The following TCOF1 variants were observed in gnomAD, a reference collection of about 807,000 sequenced individuals.
TCOF1 encodes the protein treacle ribosome biogenesis factor 1.
A neutral mutation model predicts 149.0 loss-of-function variants in TCOF1; 33 were observed. That is an observed-to-expected ratio of 0.22 (90% CI 0.17 to 0.30). TCOF1 has a LOEUF of 0.30. TCOF1 is among the 10% of genes least tolerant of loss of function. The pLI is 1.00. For missense variants in TCOF1, 1,728 were observed against 1,840.7 expected (o/e 0.94, Z 1.12); for synonymous variants, 789 against 738.8 (o/e 1.07, Z -1.10).
At chr5:150,382,465 A>G (rs1343675136) in intron 17 of TCOF1, among the ~76,000 whole-genome samples, 1 of 152,246 alleles carries the variant, frequency 6.6e-6, no homozygotes, top group Non-Finnish European at 1.5e-5. Flanking sequence ...AAGCTCAGGC[A>G]GCCTGGGTCC....
chr5:150,391,088 A>T (rs932439409), intron 19 of TCOF1, among the ~76,000 whole-genome samples: 1 of 151,918 alleles, frequency 6.6e-6, no homozygotes, highest in Admixed American at 6.6e-5. Context: ...CTTCGGGGGA[A>T]GCGCTTGGGA....
chr5:150,375,857 C>T lies in TCOF1; in HGVS notation c.1841C>T (p.Ser614Leu), dbSNP rs1055033278. 8 of 1,614,060 alleles carry T rather than the reference C, an allele frequency of 5.0e-6. No homozygotes were observed. Among genetic ancestry groups the T allele is most frequent in the Non-Finnish European group, 5.1e-6 (6 of 1,180,038 alleles). ...GACAACTCGGAGAGCAGCGAGGAGT[C>T]ATCGGACAGTGCGGACAGTGAGGAG... ...PMDNSESSEE[S>L]SDSADSEEAP... The change falls in exon 12 of 27, where the codon TCA (serine) becomes TTA (leucine). Residue 614 changes from serine to leucine, a missense_variant. Transcript: ENST00000643257.
rs1198614053 is a variant in TCOF1 at position 150,379,812 on chromosome 5, C to T, written c.2859+80C>T. ...TAGGGCTGGGCGTGGTGGCTCACAC[C>T]TGTAATCCTAGCACTTTGGGAGGCC... On this transcript the variant is annotated intron_variant, in intron 17 of 26. Coordinates refer to ENST00000643257, the MANE Select transcript of TCOF1 (RefSeq NM_001371623.1). 6 of 1,533,680 alleles carry T rather than the reference C, an allele frequency of 3.9e-6. No homozygotes were observed. In the South Asian group the frequency reaches 5.9e-5, roughly 15 times the overall value.
intron 3 of TCOF1, among the ~76,000 whole-genome samples, chr5:150,366,544 C>T (rs1761388892): frequency 1.3e-5 from 2 of 151,826 alleles, no homozygotes; most frequent in African/African-American, 4.8e-5. Flanking sequence ...TTTCTATTTA[C>T]TACTTAAAAA....
chr5:150,383,924 GTGTGGTCCAAGCTTC>G, intron 17 of TCOF1: 1 of 1,502,350 alleles, frequency 6.7e-7, no homozygotes, highest in Non-Finnish European at 8.9e-7. Flanking sequence ...AGCCATGCTG[GTGTGGTCCAAGCTTC>G]TGTGTGAACC....
chr5:150,385,034 G>C (rs1224223986), intron 17 of TCOF1: 2 of 985,258 alleles, frequency 2.0e-6, no homozygotes, highest in East Asian at 2.3e-4. Context: ...GTCTGTGCTG[G>C]GGTCAGGACA....
chr5:150,389,091 C>T (rs1373612675), intron 18 of TCOF1, among the ~76,000 whole-genome samples: 2 of 152,110 alleles, frequency 1.3e-5, no homozygotes, highest in African/African-American at 4.8e-5. Context: ...ATCTACCTAC[C>T]TACATACATA....
chr5:150,396,278 A>G lies in TCOF1; in HGVS notation c.3785-4A>G. 6.2e-7 allele frequency: 1 copy of G among 1,614,020 alleles called. No homozygotes were observed. Among genetic ancestry groups the G allele is most frequent in the Non-Finnish European group, 8.5e-7 (1 of 1,180,026 alleles). ...ATCTGTGACCCCACATTCTCTCTCCATAGGTGGAAAAGAGGCTGCTTCAGG... is the reference window on the plus strand; with the variant it reads ...ATCTGTGACCCCACATTCTCTCTCCGTAGGTGGAAAAGAGGCTGCTTCAGG... On this transcript the variant is annotated splice_region_variant and splice_polypyrimidine_tract_variant and intron_variant, in intron 23 of 26. Transcript: ENST00000643257.
At chr5:150,360,462 G>T (rs941844083) in intron 1 of TCOF1, among the ~76,000 whole-genome samples, 4 of 152,150 alleles carry the variant, frequency 2.6e-5, no homozygotes, top group African/African-American at 9.7e-5. Flanking sequence ...GCTGTGATTC[G>T]TGCTTTGGGA....
At chr5:150,395,302 C>T (rs536238361) in intron 23 of TCOF1, among the ~76,000 whole-genome samples, 3 of 152,342 alleles carry the variant, frequency 2.0e-5, no homozygotes, top group African/African-American at 7.2e-5. Flanking sequence ...ACCAAACCAC[C>T]AAGCCACCTT....
chr5:150,394,419 C>G (rs1768022277), intron 23 of TCOF1: 1 of 152,346 alleles, frequency 6.6e-6, no homozygotes, highest in Admixed American at 6.5e-5. Context: ...GTTGATGTAT[C>G]CAGTCTGTGT....
chr5:150,389,266 G>A (rs1026014497), intron 18 of TCOF1, among the ~76,000 whole-genome samples: 4 of 152,096 alleles, frequency 2.6e-5, no homozygotes, highest in African/African-American at 4.8e-5. Flanking sequence ...TAAAATATAC[G>A]TGTGTTTTTA....
intron 17 of TCOF1, among the ~76,000 whole-genome samples, chr5:150,387,055 C>G (rs1766442452): frequency 6.6e-6 from 1 of 152,230 alleles, no homozygotes; most frequent in Non-Finnish European, 1.5e-5. Context: ...ACTCAGTTCC[C>G]CAACGCCCCT....
intron 26 of TCOF1, among the ~76,000 whole-genome samples, chr5:150,399,464 A>G (rs933004922): frequency 3.3e-5 from 5 of 151,966 alleles, no homozygotes; most frequent in Non-Finnish European, 7.4e-5. Context: ...AAGATGGTTT[A>G]CTCAAGATGA....
At position 150,372,151 on chromosome 5, in the gene TCOF1, G is replaced by A. The variant is rs1277759935; in HGVS notation, c.785G>A (p.Arg262Lys). ...GGAGGGGCCCTGCCCCCAGCCAAGA[G>A]GGCCAAGAAGCCAGAAGAGGAGTCA... The part of the protein sequence containing the change: ...VKGGALPPAK[R>K]AKKPEEESES... The change falls in exon 7 of 27, where the codon AGG becomes AAG. Residue 262 changes from arginine to lysine, a missense_variant. Coordinates refer to ENST00000643257, the MANE Select transcript of TCOF1 (RefSeq NM_001371623.1). 2 of 1,614,218 alleles carry A rather than the reference G, an allele frequency of 1.2e-6. No individual in the cohort carries two copies. Among genetic ancestry groups the A allele is most frequent in the Non-Finnish European group, 1.7e-6 (2 of 1,180,040 alleles).
At chr5:150,390,489 A>G (rs951375163) in intron 19 of TCOF1, among the ~76,000 whole-genome samples, 4 of 152,158 alleles carry the variant, frequency 2.6e-5, no homozygotes, top group African/African-American at 9.7e-5. Flanking sequence ...CATAAAACTT[A>G]GCACACATCC....
intron 3 of TCOF1, 96 bp downstream of exon 3, chr5:150,364,348 A>G: frequency 6.4e-7 from 1 of 1,566,380 alleles, no homozygotes; most frequent in South Asian, 1.1e-5. Flanking sequence ...TAGAAGACCT[A>G]AAAGACCCTG....
chr5:150,374,102 G>C, intron 7 of TCOF1, 72 bp from the exon 8 acceptor site: 1 of 1,521,262 alleles, frequency 6.6e-7, no homozygotes, highest in Non-Finnish European at 9.0e-7. Context: ...AAGGCCTCTG[G>C]ACTTTATCCT....
In TCOF1 at chr5:150,357,725, C is replaced by G; in HGVS notation, c.-22C>G. The G allele has an allele frequency of 6.5e-7, 1 of 1,543,504 alleles. No individual in the cohort carries two copies. The highest frequency in any genetic ancestry group is 8.7e-7 in the Non-Finnish European group (1 of 1,143,548). On this transcript the variant is annotated 5_prime_UTR_variant, in exon 1 of 27. Transcript: ENST00000643257. The stretch of plus-strand genomic sequence containing the variant: ...GACTAAGGCGGGGCGTGCAGGTAGC[C>G]GGCCGGCCGGGGGTCGCGGGTATGG...
Sources: gnomAD v4.1 joint callset for allele counts (sites outside exome capture counted in the v4.1 genomes callset) on GRCh38, gnomAD v4.1.1 for gene constraint, MANE v1.5 for transcripts, NCBI Gene and HGNC (gene_info 2026-07-23, HGNC 2026-07-21) for gene names.